The following TREML4 variants were observed in gnomAD, a reference collection of about 807,000 sequenced individuals.
TREML4 encodes triggering receptor expressed on myeloid cells like 4.
Under a neutral mutation model 25.4 loss-of-function variants are expected in TREML4, and 25 were observed. The ratio of observed to expected loss-of-function variants is 0.98; its 90% CI spans 0.72 to 1.37. The LOEUF is 1.37. Ranked by LOEUF, TREML4 falls within the 40% of genes most tolerant of loss-of-function variation. The pLI is 0.00. For missense variants in TREML4, 268 were observed against 236.5 expected (o/e 1.13, Z -0.87); for synonymous variants, 92 against 87.9 (o/e 1.05, Z -0.26).
At chr6:41,234,595 T>C (rs907876812) in intron 4 of TREML4, among the ~76,000 whole-genome samples, 2 of 151,884 alleles carry the variant, frequency 1.3e-5, no homozygotes, top group Admixed American at 6.6e-5. Flanking sequence ...TTAAAATAAA[T>C]AAATCCTGAA....
intron 4 of TREML4, among the ~76,000 whole-genome samples, chr6:41,235,810 A>G (rs1582118882): frequency 7.2e-6 from 1 of 139,684 alleles, no homozygotes; most frequent in Non-Finnish European, 1.5e-5. Context: ...AAATTATATG[A>G]AAAAGGAAGA....
In TREML4 at chr6:41,235,772, T is replaced by G. The variant is rs553193937; in HGVS notation, c.507-714T>G. The stretch of plus-strand genomic sequence containing the variant: ...AATCCCAAACACAACTTCTTTACTT[T>G]TGTAAAGAACTTGAAAAATTTACTC... On this transcript the variant is annotated intron_variant, in intron 4 of 5. Transcript: ENST00000341495. Among the ~76,000 whole-genome samples, 26 of 152,222 alleles carry G rather than the reference T, an allele frequency of 1.7e-4. No individual in the cohort carries two copies. In the East Asian group the frequency reaches 2.9e-3, roughly 17 times the overall value.
chr6:41,229,486 C>A, intron 2 of TREML4, 35 bp from the exon 3 acceptor site: 1 of 1,612,144 alleles, frequency 6.2e-7, no homozygotes, highest in Non-Finnish European at 8.5e-7. Flanking sequence ...TTCTGGGCCC[C>A]TGGAGAGTCA....
chr6:41,235,401 G>T (rs1417455290), intron 4 of TREML4, among the ~76,000 whole-genome samples: 1 of 152,166 alleles, frequency 6.6e-6, no homozygotes, highest in East Asian at 1.9e-4. Flanking sequence ...GTCATGACTT[G>T]CAATTGATGG....
At chr6:41,231,380 C>A (rs1032754707) in intron 4 of TREML4, among the ~76,000 whole-genome samples, 25 of 151,876 alleles carry the variant, frequency 1.6e-4, no homozygotes, top group African/African-American at 5.6e-4. Context: ...TCCCCATTAC[C>A]AGATCCGTAT....
At position 41,228,886 on chromosome 6, in the gene TREML4, C is replaced by T; in HGVS notation, c.236C>T (p.Ser79Phe). 6.2e-7 allele frequency: 1 copy of T among 1,614,180 alleles called. No homozygotes were observed. Among genetic ancestry groups the T allele is most frequent in the Non-Finnish European group, 8.5e-7 (1 of 1,180,028 alleles). The change falls in exon 2 of 6, where the codon TCT (serine) becomes TTT (phenylalanine). Residue 79 changes from serine (S) to phenylalanine (F), a missense_variant. Ser to Phe is a radical substitution (Grantham distance 155, BLOSUM62 -2). Coordinates refer to ENST00000341495, the MANE Select transcript of TREML4 (RefSeq NM_198153.3). The part of the protein sequence containing the change: ...SSKPWTAVQK[S>F]HYTIWDKPNA... ...AAGCCCTGGACAGCAGTTCAGAAGT[C>T]TCATTACACAATCTGGGACAAGCCC...
intron 1 of TREML4, 71 bp from the exon 2 acceptor site, chr6:41,228,643 C>A (rs1002202341): frequency 1.3e-6 from 2 of 1,530,398 alleles, no homozygotes; most frequent in South Asian, 2.5e-5. Flanking sequence ...CCTTCCCCAG[C>A]CTGTGATGGG....
intron 3 of TREML4, 41 bp downstream of exon 3, chr6:41,229,612 C>T (rs909849496): frequency 1.9e-6 from 3 of 1,606,386 alleles, no homozygotes; most frequent in Admixed American, 3.3e-5. Flanking sequence ...AGAAGGGTCA[C>T]CAGGCAGCTT....
intron 3 of TREML4, 37 bp downstream of exon 3, chr6:41,229,608 G>T (rs781491678): frequency 5.0e-6 from 8 of 1,608,934 alleles, no homozygotes; most frequent in South Asian, 1.1e-5. Context: ...GATTAGAAGG[G>T]TCACCAGGCA....
intron 4 of TREML4, 142 bp from the exon 5 acceptor site, chr6:41,236,344 C>T (rs1242757026): frequency 6.9e-5 from 45 of 650,354 alleles, no homozygotes; most frequent in Non-Finnish European, 2.2e-5. Flanking sequence ...GTGGCTCCTG[C>T]CCCACACCCC....
chr6:41,230,681 G>C (rs150275536), intron 4 of TREML4, among the ~76,000 whole-genome samples: 2 of 152,166 alleles, frequency 1.3e-5, no homozygotes, highest in African/African-American at 4.8e-5. Context: ...CATTTGCTCC[G>C]TAGCCCTCTT....
chr6:41,233,689 C>G (rs1766844119), intron 4 of TREML4, among the ~76,000 whole-genome samples: 1 of 151,762 alleles, frequency 6.6e-6, no homozygotes, highest in Non-Finnish European at 1.5e-5. Context: ...GGATCAAAGA[C>G]CAATGAGACA....
rs760814715 is a variant in TREML4 at position 41,228,414 on chromosome 6, AG to A, written c.-13del. 1 of 1,603,928 alleles carries A rather than the reference AG, an allele frequency of 6.2e-7. No homozygotes were observed. On this transcript the variant is annotated 5_prime_UTR_variant, in exon 1 of 6. Coordinates refer to ENST00000341495, the MANE Select transcript of TREML4 (RefSeq NM_198153.3). ...TCTCCTCTCCTCCGCTGTCAGAAAC[AG>A]ATCTGGGCTGGAATGGCCTGGGGTG...
rs2113936108 is a variant in TREML4 at position 41,228,942 on chromosome 6, C to T, written c.292C>T (p.Gln98Ter). 6.2e-7 allele frequency: 1 copy of T among 1,614,120 alleles called. No individual in the cohort carries two copies. The highest frequency in any genetic ancestry group is 1.3e-5 in the African/African-American group (1 of 75,044). ...NAGFFNITMI[Q>*]LTQNDSGFYW... ...TGGCTTCTTCAACATCACCATGATT[C>T]AGCTGACACAGAATGACTCGGGATT... Residue 98 changes from glutamine (Q) to a stop codon, truncating the protein, a stop_gained, in exon 2 of 6, where the codon CAG becomes TAG. Transcript: ENST00000341495. LOFTEE classifies it high-confidence loss of function.
intron 4 of TREML4, among the ~76,000 whole-genome samples, chr6:41,235,251 C>T (rs1023966673): frequency 6.6e-6 from 1 of 152,076 alleles, no homozygotes; most frequent in Non-Finnish European, 1.5e-5. Context: ...ATAAAGATTA[C>T]TTATTGGAGG....
At chr6:41,234,612 CTTG>C (rs561281539) in intron 4 of TREML4, among the ~76,000 whole-genome samples, 22 of 151,856 alleles carry the variant, frequency 1.4e-4, no homozygotes, top group African/African-American at 5.3e-4. Flanking sequence ...TGAATAAAAT[CTTG>C]TTGTTTTAAA....
rs1302187287 is a variant in TREML4, at chr6:41,236,548, G to A, written c.569G>A (p.Cys190Tyr). The change falls in exon 5 of 6, where the codon TGT becomes TAT. Residue 190 changes from cysteine (C) to tyrosine (Y), a missense_variant. Coordinates refer to ENST00000341495, the MANE Select transcript of TREML4 (RefSeq NM_198153.3). ...CCCAGATTCCTGGTCTTGGTGCTAT[G>A]TGGACTCCTCCTGGCCAAGGGCCTG... is the stretch of plus-strand genomic sequence containing the variant. ...GGPRFLVLVL[C>Y]GLLLAKGLML 1.9e-6 allele frequency: 3 copies of A among 1,614,018 alleles called. No homozygotes were observed. Among genetic ancestry groups the A allele is most frequent in the Non-Finnish European group, 2.5e-6 (3 of 1,180,002 alleles).
rs144478385 is a variant in TREML4, at chr6:41,228,481, C to T, written c.54C>T (p.Ser18=). ...GCTTCCACCTGTGCTGCTGCTGCTC[C>T]TGGCCTCAGGTGACATGGAGGGAAA... ...TCCFHLCCCC[S]WPQGAVPEEL... The change falls in exon 1 of 6, where the codon TCC becomes TCT. Residue 18 remains serine, a synonymous_variant. Coordinates refer to ENST00000341495, the MANE Select transcript of TREML4 (RefSeq NM_198153.3). 41 of 1,612,734 alleles carry T rather than the reference C, an allele frequency of 2.5e-5. No individual in the cohort carries two copies. The highest frequency in any genetic ancestry group is 3.5e-5 in the Non-Finnish European group (41 of 1,179,542).
At chr6:41,234,604 A>T (rs918821759) in intron 4 of TREML4, among the ~76,000 whole-genome samples, 1 of 151,988 alleles carries the variant, frequency 6.6e-6, no homozygotes, top group Admixed American at 6.6e-5. Context: ...ATAAATCCTG[A>T]ATAAAATCTT....
Sources: gnomAD v4.1 joint callset for allele counts (sites outside exome capture counted in the v4.1 genomes callset) on GRCh38, gnomAD v4.1.1 for gene constraint, MANE v1.5 for transcripts, NCBI Gene and HGNC (gene_info 2026-07-23, HGNC 2026-07-21) for gene names.